The following LGR5 variants were observed in gnomAD, a reference collection of about 807,000 sequenced individuals.
LGR5 encodes the protein leucine rich repeat containing G protein-coupled receptor 5.
In LGR5, 54 loss-of-function variants were observed where a neutral mutation model predicts 76.7. The ratio of observed to expected loss-of-function variants is 0.70; its 90% CI spans 0.57 to 0.88. The LOEUF (loss-of-function observed/expected upper bound fraction) is 0.88, where lower values mean the gene tolerates loss of function less well. Ranked by LOEUF, LGR5 falls within the 40% of genes least tolerant of loss-of-function variation. The probability of loss-of-function intolerance (pLI) is 0.00; values close to 1 mark genes in which losing one functional copy is unlikely to be tolerated. For synonymous variants in LGR5, 406 were observed against 421.9 expected (o/e 0.96, Z 0.46); for missense variants, 1,078 against 1,073.3 (o/e 1.00, Z -0.06).
Position 71,495,710 on chromosome 12 carries a change from C to A in LGR5, c.213-8904C>A, listed in dbSNP as rs578079715. 2.3e-4 allele frequency among the ~76,000 whole-genome samples: 34 copies of A among 151,080 alleles called. 1 individual carries two copies. The highest frequency in any genetic ancestry group is 6.4e-4 in the African/African-American group (26 of 40,462). On this transcript the variant is annotated intron_variant, in intron 1 of 17. Coordinates refer to ENST00000266674, the MANE Select transcript of LGR5 (RefSeq NM_003667.4). ...CAACTCTGAAATATCAAGGCCAGGACTCAAACTAAGACAAAATATCTACAG... is the reference window on the plus strand; with the variant it reads ...CAACTCTGAAATATCAAGGCCAGGAATCAAACTAAGACAAAATATCTACAG...
At chr12:71,479,745 C>G (rs766919640) in intron 1 of LGR5, among the ~76,000 whole-genome samples, 5 of 151,990 alleles carry the variant, frequency 3.3e-5, no homozygotes, top group Non-Finnish European at 7.4e-5. Flanking sequence ...AGTTAATGTA[C>G]AGAAAAATCC....
chr12:71,580,136 C>T, intron 15 of LGR5, 142 bp from the exon 16 acceptor site: 1 of 655,552 alleles, frequency 1.5e-6, no homozygotes, highest in Non-Finnish European at 2.5e-6. Context: ...GTAATGAACA[C>T]CTTTATGTGC....
At chr12:71,501,387 A>G (rs1005710607) in intron 1 of LGR5, among the ~76,000 whole-genome samples, 1 of 152,228 alleles carries the variant, frequency 6.6e-6, no homozygotes, top group Non-Finnish European at 1.5e-5. Context: ...ACTGAAACTT[A>G]GAGGCCACCT....
chr12:71,482,935 T>C (rs1873672527), intron 1 of LGR5, among the ~76,000 whole-genome samples: 1 of 152,188 alleles, frequency 6.6e-6, no homozygotes. Context: ...ACAAACAATA[T>C]TTCTTCTCCA....
chr12:71,472,533 A>G (rs1205845907), intron 1 of LGR5, among the ~76,000 whole-genome samples: 1 of 152,198 alleles, frequency 6.6e-6, no homozygotes, highest in Non-Finnish European at 1.5e-5. Context: ...GCCCCAATAG[A>G]TATAATAGGT....
chr12:71,531,767 C>T (rs1876325107), intron 3 of LGR5, among the ~76,000 whole-genome samples: 1 of 152,134 alleles, frequency 6.6e-6, no homozygotes, highest in African/African-American at 2.4e-5. Flanking sequence ...ACTCAGGAGA[C>T]TGAGGCAGGA....
chr12:71,439,251 C>T (rs1314358628), upstream of LGR5, among the ~76,000 whole-genome samples: 1 of 152,168 alleles, frequency 6.6e-6, no homozygotes, highest in African/African-American at 2.4e-5. Context: ...CCAGACAGTG[C>T]GGCAGACGTA....
chr12:71,485,648 C>T (rs569747481), intron 1 of LGR5, among the ~76,000 whole-genome samples: 1 of 152,210 alleles, frequency 6.6e-6, no homozygotes, highest in East Asian at 1.9e-4. Context: ...AAGGATTGCT[C>T]AAGCCCAGGA....
chr12:71,518,528 A>G (rs1226779345), intron 2 of LGR5, among the ~76,000 whole-genome samples: 1 of 152,224 alleles, frequency 6.6e-6, no homozygotes, highest in Non-Finnish European at 1.5e-5. Flanking sequence ...AAATCATTCT[A>G]TTATAAAGAC....
chr12:71,546,583 T>C (rs1324005076), intron 4 of LGR5, among the ~76,000 whole-genome samples: 1 of 151,974 alleles, frequency 6.6e-6, no homozygotes, highest in Non-Finnish European at 1.5e-5. Flanking sequence ...ATATTTAACA[T>C]CTCTCATAGT....
chr12:71,443,215 G>T (rs931497082), intron 1 of LGR5, among the ~76,000 whole-genome samples: 3 of 152,210 alleles, frequency 2.0e-5, no homozygotes, highest in African/African-American at 7.2e-5. Context: ...TGGCTAGTCA[G>T]ACTTGTAGGT....
intron 1 of LGR5, among the ~76,000 whole-genome samples, chr12:71,503,152 T>A (rs892141696): frequency 6.7e-6 from 1 of 150,344 alleles, no homozygotes; most frequent in Non-Finnish European, 1.5e-5. Flanking sequence ...AGAAACTGCA[T>A]TGATCAGTTT....
chr12:71,459,182 A>G (rs1351790391), intron 1 of LGR5, among the ~76,000 whole-genome samples: 2 of 152,138 alleles, frequency 1.3e-5, no homozygotes, highest in African/African-American at 4.8e-5. Context: ...TATAATTACT[A>G]GGAGCCCTCT....
chr12:71,441,147 C>T (rs758320194), intron 1 of LGR5, among the ~76,000 whole-genome samples: 23 of 152,166 alleles, frequency 1.5e-4, no homozygotes, highest in Non-Finnish European at 2.6e-4. Flanking sequence ...TCTCTCCCCA[C>T]TGCAACTTCC....
At chr12:71,473,319 A>G (rs937614819) in intron 1 of LGR5, among the ~76,000 whole-genome samples, 8 of 152,108 alleles carry the variant, frequency 5.3e-5, no homozygotes, top group African/African-American at 1.4e-4. Flanking sequence ...ATAAATTATC[A>G]TCTTTTCAAC....
intron 16 of LGR5, among the ~76,000 whole-genome samples, chr12:71,582,070 A>G (rs1015254918): frequency 3.9e-5 from 6 of 152,204 alleles, no homozygotes; most frequent in African/African-American, 1.2e-4. Flanking sequence ...CACAGCCTAG[A>G]ACATTTGCAG....
chr12:71,478,772 T>C (rs930062552), intron 1 of LGR5, among the ~76,000 whole-genome samples: 8 of 152,210 alleles, frequency 5.3e-5, no homozygotes, highest in Non-Finnish European at 1.0e-4. Flanking sequence ...TAATATTTTA[T>C]TCTTTTGGAG....
chr12:71,511,365 T>C (rs774409283), intron 2 of LGR5, among the ~76,000 whole-genome samples: 1 of 152,202 alleles, frequency 6.6e-6, no homozygotes, highest in Non-Finnish European at 1.5e-5. Flanking sequence ...ACAATTCATG[T>C]GCCCCCACCC....
At chr12:71,519,417 A>G (rs1014703615) in intron 2 of LGR5, among the ~76,000 whole-genome samples, 3 of 152,080 alleles carry the variant, frequency 2.0e-5, no homozygotes, top group African/African-American at 7.2e-5. Flanking sequence ...TTTTTATTTA[A>G]TGACTATCTT....
Sources: allele counts gnomAD v4.1 joint callset (sites outside exome capture counted in the v4.1 genomes callset), GRCh38; gene constraint gnomAD v4.1.1; transcripts MANE v1.5; gene names NCBI Gene and HGNC (gene_info 2026-07-23, HGNC 2026-07-21).